Variants in JAM2 observed in about 807,000 individuals in gnomAD.
The protein encoded by JAM2 is junctional adhesion molecule B.
A neutral mutation model predicts 42.0 loss-of-function variants in JAM2; 17 were observed. That is an observed-to-expected ratio of 0.40 (90% CI 0.28 to 0.61). The LOEUF (loss-of-function observed/expected upper bound fraction) is 0.61. Among genes scored for constraint, JAM2 ranks in the 20% least tolerant of loss-of-function variants. The pLI is 0.37. For synonymous variants in JAM2, 118 were observed against 128.6 expected (o/e 0.92, Z 0.56); for missense variants, 319 against 358.3 (o/e 0.89, Z 0.89).
At chr21:25,648,444 G>A (rs1026179155) in intron 1 of JAM2, among the ~76,000 whole-genome samples, 9 of 129,670 alleles carry the variant, frequency 6.9e-5, no homozygotes, top group African/African-American at 2.4e-4. Flanking sequence ...CTTTTGTGCC[G>A]TGTGTTTGTG....
At chr21:25,684,116 C>T (rs1035777782) in intron 2 of JAM2, among the ~76,000 whole-genome samples, 168 bp downstream of exon 2, 5 of 152,198 alleles carry the variant, frequency 3.3e-5, no homozygotes, top group African/African-American at 1.2e-4. Flanking sequence ...ATTTACTCCA[C>T]CTCCTCAGTG....
At chr21:25,647,289 C>T (rs1045305693) in intron 1 of JAM2, among the ~76,000 whole-genome samples, 24 of 152,160 alleles carry the variant, frequency 1.6e-4, no homozygotes, top group Admixed American at 6.5e-5. Flanking sequence ...GACTCCTTTG[C>T]TTCTCAGATA....
rs1359511465 is a variant in JAM2, at chr21:25,641,095, A to G, written c.67+1207A>G. The stretch of plus-strand genomic sequence containing the variant: ...TATATAAAGTCAAACCAGAAAGCCA[A>G]AGTTTCACAATGAAACCCTTGTGCA... On this transcript the variant is annotated intron_variant, in intron 1 of 9. Coordinates refer to ENST00000480456, the MANE Select transcript of JAM2 (RefSeq NM_021219.4). Among the ~76,000 whole-genome samples, 6 of 152,212 alleles carry G rather than the reference A, an allele frequency of 3.9e-5. No individual in the cohort carries two copies. The East Asian group carries it at 7.7e-4, about 20-fold the overall frequency.
At chr21:25,687,682 A>G (rs1568907886) in intron 2 of JAM2, among the ~76,000 whole-genome samples, 1 of 152,232 alleles carries the variant, frequency 6.6e-6, no homozygotes, top group Non-Finnish European at 1.5e-5. Flanking sequence ...CTAGAAGTTC[A>G]AAATCAAGGC....
intron 7 of JAM2, 33 bp downstream of exon 7, chr21:25,706,119 C>T: frequency 7.9e-7 from 1 of 1,263,854 alleles, no homozygotes; most frequent in South Asian, 1.2e-5. Context: ...TGGCAGATAA[C>T]TTTCTATGGC....
chr21:25,704,012 G>A (rs1223296515), intron 6 of JAM2, among the ~76,000 whole-genome samples: 3 of 151,300 alleles, frequency 2.0e-5, no homozygotes, highest in African/African-American at 7.3e-5. Context: ...TTCTTTTAGG[G>A]TGAATCCTTC....
intron 1 of JAM2, among the ~76,000 whole-genome samples, chr21:25,682,818 G>T (rs2033665190): frequency 6.6e-6 from 1 of 151,978 alleles, no homozygotes; most frequent in South Asian, 2.1e-4. Context: ...GGATGGAGTG[G>T]GAAGATGGTC....
chr21:25,641,691 G>C lies in JAM2; in HGVS notation c.67+1803G>C, dbSNP rs145679744. Among the ~76,000 whole-genome samples, 33 of 152,184 alleles carry C rather than the reference G, an allele frequency of 2.2e-4. 1 individual carries two copies. In the East Asian group the frequency reaches 5.8e-3, roughly 27 times the overall value. ...AGAGTTCTCATATACTCCACACCCA[G>C]TTTCCCACATTGTTAATATCTTACA... On this transcript the variant is annotated intron_variant, in intron 1 of 9. Transcript: ENST00000480456.
intron 1 of JAM2, chr21:25,644,246 TC>T (rs2032536421): frequency 6.6e-6 from 1 of 152,346 alleles, no homozygotes; most frequent in East Asian, 1.9e-4. Flanking sequence ...GTATTACTTT[TC>T]TATTTCTGTG....
chr21:25,702,232 T>G lies in JAM2; in HGVS notation c.660T>G (p.Val220=). 6.3e-7 allele frequency: 1 copy of G among 1,599,138 alleles called. No individual in the cohort carries two copies. The highest frequency in any genetic ancestry group is 1.1e-5 in the South Asian group (1 of 89,636). Residue 220 remains valine, a synonymous_variant, in exon 6 of 10, where the codon GTT becomes GTG. Coordinates refer to ENST00000480456, the MANE Select transcript of JAM2 (RefSeq NM_021219.4). ...ATTCCTGTGAAGCCCGCAATTCTGT[T>G]GGATATCGCAGGTGTCCTGGGAAAC... ...GEYSCEARNS[V]GYRRCPGKRM...
chr21:25,653,716 A>G (rs779259993), intron 1 of JAM2, among the ~76,000 whole-genome samples: 3 of 152,058 alleles, frequency 2.0e-5, no homozygotes, highest in Non-Finnish European at 4.4e-5. Context: ...ACACGTGGGG[A>G]TGATGGGGAT....
chr21:25,710,574 G>A (rs1275139221), intron 8 of JAM2, among the ~76,000 whole-genome samples: 5 of 152,202 alleles, frequency 3.3e-5, no homozygotes, highest in Admixed American at 1.3e-4. Flanking sequence ...ACCATGAGAA[G>A]AGCGTTCAGG....
chr21:25,660,782 ATTTTTT>A (rs869192568), intron 1 of JAM2, among the ~76,000 whole-genome samples: 37 of 41,298 alleles, frequency 9.0e-4, no homozygotes, highest in African/African-American at 6.8e-3. Flanking sequence ...ATATATATAT[ATTTTTT>A]TTTTTTTTTT....
intron 5 of JAM2, among the ~76,000 whole-genome samples, chr21:25,701,013 A>C (rs562619354): frequency 6.6e-5 from 10 of 152,374 alleles, no homozygotes; most frequent in African/African-American, 2.4e-4. Flanking sequence ...CAACCCTTGA[A>C]ATAGCTTGTG....
chr21:25,712,244 G>GA, intron 8 of JAM2, 96 bp from the exon 9 acceptor site: 1 of 845,190 alleles, frequency 1.2e-6, no homozygotes, highest in Non-Finnish European at 2.0e-6. Flanking sequence ...TTCTTGCTGA[G>GA]AAAATGTATG....
At chr21:25,679,930 C>A (rs762096311) in intron 1 of JAM2, among the ~76,000 whole-genome samples, 1 of 152,138 alleles carries the variant, frequency 6.6e-6, no homozygotes, top group African/African-American at 2.4e-5. Context: ...CAAATGCCAC[C>A]GCTTACTTCT....
Position 25,662,119 on chromosome 21 carries a change from A to G in JAM2, c.68-21764A>G, listed in dbSNP as rs140574209. The stretch of plus-strand genomic sequence containing the variant: ...CTGTAACATTATCAAAAATGTCAAC[A>G]TATAGATAAAACTTAATACTTTTTT... On this transcript the variant is annotated intron_variant, in intron 1 of 9. Transcript: ENST00000480456. 2.3e-3 allele frequency among the ~76,000 whole-genome samples: 343 copies of G among 152,314 alleles called. 3 individuals carry two copies. Among genetic ancestry groups the G allele is most frequent in the African/African-American group, 7.9e-3 (327 of 41,560 alleles).
Position 25,683,872 on chromosome 21 carries a change from T to G in JAM2, c.68-11T>G. On this transcript the variant is annotated splice_polypyrimidine_tract_variant and intron_variant, in intron 1 of 9. Transcript: ENST00000480456. ...ATAATTTTAATTATCCTATCTGTTT[T>G]AATCTTTCAGATCATAAGGCCTATG... is the stretch of plus-strand genomic sequence containing the variant. 5 of 1,580,808 alleles carry G rather than the reference T, an allele frequency of 3.2e-6. No homozygotes were observed. Among genetic ancestry groups the G allele is most frequent in the Non-Finnish European group, 4.3e-6 (5 of 1,151,706 alleles).
intron 1 of JAM2, among the ~76,000 whole-genome samples, chr21:25,675,871 T>C (rs1162208713): frequency 6.6e-6 from 1 of 152,192 alleles, no homozygotes; most frequent in Non-Finnish European, 1.5e-5. Context: ...TGTCTTTCAG[T>C]AACTATCAAA....
Sources: gnomAD v4.1 joint callset for allele counts (sites outside exome capture counted in the v4.1 genomes callset) on GRCh38, gnomAD v4.1.1 for gene constraint, MANE v1.5 for transcripts, NCBI Gene and HGNC (gene_info 2026-07-23, HGNC 2026-07-21) for gene names.